Variants in CTNNA3 observed in about 807,000 individuals in gnomAD.
The protein encoded by CTNNA3 is catenin alpha-3.
In CTNNA3, 76 loss-of-function variants were observed where a neutral mutation model predicts 95.7. The observed-to-expected ratio is 0.79, with a 90% CI of 0.66 to 0.96. The LOEUF is 0.96. Among genes scored for constraint, CTNNA3 ranks in the 40% least tolerant of loss-of-function variants. The pLI, the probability that CTNNA3 is intolerant of heterozygous loss-of-function variation, is 0.00. For missense variants in CTNNA3, 1,191 were observed against 1,089.8 expected (o/e 1.09, Z -1.31); for synonymous variants, 431 against 374.4 (o/e 1.15, Z -1.74).
chr10:66,845,729 A>AAAAAAAAAAAAAAAAAAAAAAAAAAAC (rs1297933220), intron 7 of CTNNA3, among the ~76,000 whole-genome samples: 1 of 87,766 alleles, frequency 1.1e-5, no homozygotes, highest in South Asian at 3.9e-4. Flanking sequence ...AAAAAAAAAA[A>AAAAAAAAAAAAAAAAAAAAAAAAAAAC]CTAAAAAGGT....
chr10:67,097,535 TAA>T, intron 7 of CTNNA3: 1 of 1,519,810 alleles, frequency 6.6e-7, no homozygotes, highest in Non-Finnish European at 9.1e-7. Flanking sequence ...ATCTTTCCCC[TAA>T]AGTTGTCCAT....
chr10:66,458,800 C>A (rs764815301), intron 11 of CTNNA3, among the ~76,000 whole-genome samples: 6 of 152,066 alleles, frequency 3.9e-5, no homozygotes, highest in Non-Finnish European at 8.8e-5. Flanking sequence ...GTATGATAAG[C>A]CATATTTTGT....
In CTNNA3 at chr10:66,547,343, C is replaced by CTTTTTTTTTTTTTTTTTTTTTTTT; in HGVS notation, c.1375-26571_1375-26570insAAAAAAAAAAAAAAAAAAAAAAAA. ...ATTCTTGTTCCTTTGATTTTTCTTT[C>CTTTTTTTTTTTTTTTTTTTTTTTT]TTTCTTTTTTTTTTTTTTGAGATAG... On this transcript the variant is annotated intron_variant, in intron 10 of 17. Transcript: ENST00000433211. 6.6e-3 allele frequency among the ~76,000 whole-genome samples: 551 copies of CTTTTTTTTTTTTTTTTTTTTTTTT among 83,148 alleles called. 146 individuals carry two copies. The highest frequency in any genetic ancestry group is 0.015 in the East Asian group (34 of 2,304). The allele number at this position is 83,148 out of a possible 152,430, so 54.5% of individuals were successfully genotyped here.
intron 11 of CTNNA3, among the ~76,000 whole-genome samples, chr10:66,496,678 CA>C (rs1840109403): frequency 1.3e-5 from 2 of 152,216 alleles, no homozygotes. Context: ...TTCACTGAAA[CA>C]AAACTTTTAG....
chr10:67,644,152 A>C (rs1353570833), intron 2 of CTNNA3, among the ~76,000 whole-genome samples: 1 of 152,228 alleles, frequency 6.6e-6, no homozygotes, highest in Non-Finnish European at 1.5e-5. Flanking sequence ...TCCCACCAAC[A>C]GTGTAAAAGC....
intron 5 of CTNNA3, among the ~76,000 whole-genome samples, chr10:67,398,372 T>G (rs1039034564): frequency 1.3e-5 from 2 of 152,250 alleles, no homozygotes; most frequent in African/African-American, 4.8e-5. Flanking sequence ...ATGGGGCCTG[T>G]AGCCCCTTTG....
intron 5 of CTNNA3, among the ~76,000 whole-genome samples, chr10:67,490,680 G>C (rs1848614413): frequency 6.6e-6 from 1 of 152,070 alleles, no homozygotes; most frequent in South Asian, 2.1e-4. Flanking sequence ...GCTATAAAGA[G>C]AAATTCTACT....
intron 15 of CTNNA3, among the ~76,000 whole-genome samples, chr10:66,020,607 A>G (rs966996069): frequency 6.6e-6 from 1 of 151,892 alleles, no homozygotes; most frequent in Admixed American, 6.6e-5. Flanking sequence ...CTCAGAGATA[A>G]TTTGCCAATT....
intron 5 of CTNNA3, among the ~76,000 whole-genome samples, chr10:67,249,021 G>A (rs1411197970): frequency 1.3e-5 from 2 of 152,116 alleles, no homozygotes; most frequent in Non-Finnish European, 2.9e-5. Context: ...AAATCTTTGT[G>A]ATTTTGGTTT....
chr10:67,549,851 T>C (rs909566723), intron 3 of CTNNA3, among the ~76,000 whole-genome samples: 1 of 152,226 alleles, frequency 6.6e-6, no homozygotes, highest in Non-Finnish European at 1.5e-5. Context: ...GCTATTTTCA[T>C]TCTTCAACAC....
rs140002965 is a variant in CTNNA3, at chr10:66,565,858, G to A, written c.1375-45085C>T. Among the ~76,000 whole-genome samples the A allele has an allele frequency of 3.3e-4, 50 of 152,222 alleles. 1 individual carries two copies. The highest frequency in any genetic ancestry group is 9.8e-4 in the Admixed American group (15 of 15,288). Reference sequence around the variant, plus strand: ...CTCCCACATGGGCAGAAAACATTAGGAGAAAAGGAGATCTATCTGGTGTTG... The same window carrying A: ...CTCCCACATGGGCAGAAAACATTAGAAGAAAAGGAGATCTATCTGGTGTTG... On this transcript the variant is annotated intron_variant, in intron 10 of 17. Coordinates refer to ENST00000433211, the MANE Select transcript of CTNNA3 (RefSeq NM_013266.4).
At chr10:66,075,591 C>G (rs930727970) in intron 14 of CTNNA3, among the ~76,000 whole-genome samples, 12 of 151,816 alleles carry the variant, frequency 7.9e-5, no homozygotes, top group Non-Finnish European at 1.6e-4. Flanking sequence ...GCCTACCTCA[C>G]AGAGCCTAGG....
At chr10:66,641,313 A>G (rs1207173522) in intron 9 of CTNNA3, among the ~76,000 whole-genome samples, 3 of 152,178 alleles carry the variant, frequency 2.0e-5, no homozygotes, top group Admixed American at 1.3e-4. Context: ...GTAGAAAAAG[A>G]AATTTCCATG....
chr10:66,260,943 T>C (rs763166957), intron 13 of CTNNA3, among the ~76,000 whole-genome samples: 1 of 152,090 alleles, frequency 6.6e-6, no homozygotes, highest in Non-Finnish European at 1.5e-5. Flanking sequence ...AAGACAAAAG[T>C]ACCTGAGTCT....
intron 9 of CTNNA3, among the ~76,000 whole-genome samples, chr10:66,632,086 T>C (rs1352747873): frequency 1.3e-5 from 2 of 152,110 alleles, no homozygotes. Context: ...AAAAAGAGAA[T>C]GGAATGAATA....
At chr10:67,425,141 A>G (rs1845874503) in intron 5 of CTNNA3, among the ~76,000 whole-genome samples, 1 of 152,164 alleles carries the variant, frequency 6.6e-6, no homozygotes, top group Admixed American at 6.6e-5. Context: ...AAAATTTAAC[A>G]ACATAGCAAA....
At chr10:67,622,372 GGAAAAGATGAGCTGTGAT>G (rs1272329690) in intron 2 of CTNNA3, among the ~76,000 whole-genome samples, 1 of 152,180 alleles carries the variant, frequency 6.6e-6, no homozygotes, top group Non-Finnish European at 1.5e-5. Context: ...AATTCATTGA[GGAAAAGATGAGCTGTGAT>G]TGAAAGATAA....
intron 7 of CTNNA3, among the ~76,000 whole-genome samples, chr10:66,872,254 T>C (rs1844438199): frequency 6.6e-6 from 1 of 152,210 alleles, no homozygotes; most frequent in Non-Finnish European, 1.5e-5. Flanking sequence ...CCACATTTTA[T>C]GTATGAGGAA....
chr10:66,203,377 A>G (rs182686056), intron 13 of CTNNA3, among the ~76,000 whole-genome samples: 150 of 152,318 alleles, frequency 9.8e-4, no homozygotes, highest in Non-Finnish European at 1.9e-3. Flanking sequence ...GCTTCAAAGT[A>G]TATTACAAAA....
Sources: allele counts gnomAD v4.1 joint callset (sites outside exome capture counted in the v4.1 genomes callset), GRCh38; gene constraint gnomAD v4.1.1; transcripts MANE v1.5; gene names NCBI Gene and HGNC (gene_info 2026-07-23, HGNC 2026-07-21).